The following SYNRG variants were observed in gnomAD, a reference collection of about 807,000 sequenced individuals.
The protein encoded by SYNRG is AP1 gamma subunit binding protein 1.
Under a neutral mutation model 130.9 loss-of-function variants are expected in SYNRG, and 37 were observed. The ratio of observed to expected loss-of-function variants is 0.28; its 90% CI spans 0.22 to 0.37. The LOEUF (loss-of-function observed/expected upper bound fraction) is 0.37. Ranked by LOEUF, SYNRG falls within the 10% of genes least tolerant of loss-of-function variation. The pLI is 1.00. For synonymous variants in SYNRG, 539 were observed against 568.1 expected, an observed-to-expected ratio of 0.95 and a Z score of 0.73; for missense variants, 1,338 against 1,588.9, an observed-to-expected ratio of 0.84 and a Z score of 2.68.
At position 37,516,825 on chromosome 17, in the gene SYNRG, T is replaced by C. The variant is rs1462188829; in HGVS notation, c.*2115A>G. Reference sequence around the variant, plus strand: ...CTCCACCTACCCGGCTAATTATTTTTTGTATAATTAGCTGGGGTCTTTACC... The same window carrying C: ...CTCCACCTACCCGGCTAATTATTTTCTGTATAATTAGCTGGGGTCTTTACC... On this transcript the variant is annotated 3_prime_UTR_variant, in exon 22 of 22. Coordinates refer to ENST00000612223, the MANE Select transcript of SYNRG (RefSeq NM_007247.6). The C allele has an allele frequency of 1.3e-5, 2 of 151,698 alleles. No individual in the cohort carries two copies. Among genetic ancestry groups the C allele is most frequent in the Non-Finnish European group, 2.9e-5 (2 of 68,034 alleles). The allele number at this position is 151,698 out of a possible 1,614,324, so 9.4% of individuals were successfully genotyped here.
intron 11 of SYNRG, among the ~76,000 whole-genome samples, chr17:37,562,261 C>A (rs1005258192): frequency 6.6e-6 from 1 of 152,224 alleles, no homozygotes; most frequent in African/African-American, 2.4e-5. Context: ...ACAACAATCA[C>A]TTCAAAATTA....
chr17:37,584,381 CAT>C (rs1334400728), intron 6 of SYNRG: 8 of 327,322 alleles, frequency 2.4e-5, no homozygotes, highest in African/African-American at 1.7e-4. Flanking sequence ...CTAATGTTAA[CAT>C]ATTTATATAC....
In SYNRG at chr17:37,525,766, G is replaced by A. The variant is rs182947510; in HGVS notation, c.3667-5118C>T. ...GCGGATCACGAGGTCAGGCTTTGGAGACCAGCCTGGCCAACATGGTGAAAC... is the reference window on the plus strand; with the variant it reads ...GCGGATCACGAGGTCAGGCTTTGGAAACCAGCCTGGCCAACATGGTGAAAC... On this transcript the variant is annotated intron_variant, in intron 19 of 21. Coordinates refer to ENST00000612223, the MANE Select transcript of SYNRG (RefSeq NM_007247.6). 9.3e-4 allele frequency among the ~76,000 whole-genome samples: 141 copies of A among 152,356 alleles called. 2 individuals are homozygous for A. In the East Asian group the frequency reaches 0.026, roughly 28 times the overall value.
intron 14 of SYNRG, among the ~76,000 whole-genome samples, chr17:37,550,374 T>C (rs539134135): frequency 6.6e-6 from 1 of 152,286 alleles, no homozygotes; most frequent in East Asian, 1.9e-4. Context: ...GAGACAAGTG[T>C]TTGACGAAAC....
intron 20 of SYNRG, 124 bp from the exon 21 acceptor site, chr17:37,520,338 C>G: frequency 3.0e-6 from 4 of 1,321,146 alleles, no homozygotes; most frequent in Non-Finnish European, 4.3e-6. Flanking sequence ...GTGCTGCAGG[C>G]ATGAGAGCCG....
Position 37,516,780 on chromosome 17 carries a change from C to G in SYNRG, c.*2160G>C, listed in dbSNP as rs1201451567. 6.6e-6 allele frequency: 1 copy of G among 151,924 alleles called. No homozygotes were observed. The highest frequency in any genetic ancestry group is 1.5e-5 in the Non-Finnish European group (1 of 68,014). 9.4% of individuals were successfully genotyped at this position (151,924 alleles called of 1,614,324 possible). ...CCTCAGCTTACCTAGTAGCTGGGACCACGAATGTCCACAGATGCACTCCAC... is the reference window on the plus strand; with the variant it reads ...CCTCAGCTTACCTAGTAGCTGGGACGACGAATGTCCACAGATGCACTCCAC... On this transcript the variant is annotated 3_prime_UTR_variant, in exon 22 of 22. Transcript: ENST00000612223.
chr17:37,577,116 G>A lies in SYNRG; in HGVS notation c.823+264C>T, dbSNP rs947279472. Among the ~76,000 whole-genome samples, 3 of 152,096 alleles carry A rather than the reference G, an allele frequency of 2.0e-5. No individual in the cohort carries two copies. In the East Asian group the frequency reaches 5.8e-4, roughly 29 times the overall value. On this transcript the variant is annotated intron_variant, in intron 7 of 21. Transcript: ENST00000612223. ...AAAGAGAGTTTTTATAAAATAAAAGGAAAGAAAATTTTAAATCAGAAATGA... is the reference window on the plus strand; with the variant it reads ...AAAGAGAGTTTTTATAAAATAAAAGAAAAGAAAATTTTAAATCAGAAATGA...
chr17:37,596,251 T>C lies in SYNRG; in HGVS notation c.212A>G (p.Gln71Arg), dbSNP rs748950994. ...CATAGCAATAGGTCCTTGGGACATCTGAGAGCTGTAATTCATTCCCATAAT... is the reference window on the plus strand; with the variant it reads ...CATAGCAATAGGTCCTTGGGACATCCGAGAGCTGTAATTCATTCCCATAAT... ...QGIMGMNYSS[Q>R]MSQGPIAMQA... The change falls in exon 3 of 22, where the codon CAG (glutamine) becomes CGG (arginine). Residue 71 changes from glutamine to arginine, a missense_variant. By Grantham distance (43) the Gln-to-Arg change is conservative. Coordinates refer to ENST00000612223, the MANE Select transcript of SYNRG (RefSeq NM_007247.6). 2.5e-6 allele frequency: 4 copies of C among 1,614,144 alleles called. No individual in the cohort carries two copies. The highest frequency in any genetic ancestry group is 3.4e-6 in the Non-Finnish European group (4 of 1,179,980).
intron 1 of SYNRG, among the ~76,000 whole-genome samples, chr17:37,602,210 C>T (rs1413742768): frequency 1.3e-5 from 2 of 151,890 alleles, no homozygotes; most frequent in Admixed American, 6.6e-5. Flanking sequence ...TGGTGCATGC[C>T]TGCAATTCCA....
chr17:37,577,323 A>G, intron 7 of SYNRG, 57 bp downstream of exon 7: 1 of 1,484,782 alleles, frequency 6.7e-7, no homozygotes, highest in Non-Finnish European at 9.4e-7. Flanking sequence ...TTAAGGTGTT[A>G]GCATTTGAGC....
chr17:37,595,315 T>C (rs2062661121), intron 3 of SYNRG, among the ~76,000 whole-genome samples: 1 of 152,252 alleles, frequency 6.6e-6, no homozygotes, highest in Admixed American at 6.5e-5. Context: ...CATGTGTTAC[T>C]GTATAAAAGT....
intron 17 of SYNRG, 93 bp from the exon 18 acceptor site, chr17:37,538,513 G>A (rs1450800166): frequency 3.7e-6 from 3 of 808,230 alleles, no homozygotes; most frequent in East Asian, 5.4e-5. Flanking sequence ...GAAAAGCCAG[G>A]AGGTGTCAAA....
At chr17:37,581,577 CTTG>C (rs1420706172) in intron 6 of SYNRG, among the ~76,000 whole-genome samples, 1 of 151,722 alleles carries the variant, frequency 6.6e-6, no homozygotes, top group Non-Finnish European at 1.5e-5. Flanking sequence ...CACGCCTTAC[CTTG>C]TTTTGTTTTT....
intron 13 of SYNRG, chr17:37,557,001 A>T (rs1462107108): frequency 6.6e-6 from 1 of 152,246 alleles, no homozygotes; most frequent in Non-Finnish European, 1.5e-5. Context: ...TGAAAGGGCT[A>T]AAAGGAAATA....
Position 37,601,868 on chromosome 17 carries a change from A to G in SYNRG, c.78-1465T>C, listed in dbSNP as rs1381465444. 3.3e-5 allele frequency among the ~76,000 whole-genome samples: 5 copies of G among 151,476 alleles called. No homozygotes were observed. In the South Asian group the frequency reaches 8.3e-4, roughly 25 times the overall value. On this transcript the variant is annotated intron_variant, in intron 1 of 21. Transcript: ENST00000612223. The stretch of plus-strand genomic sequence containing the variant: ...TCAGTAGAGACAGGGTTTCACCATG[A>G]TGGCCAGGCTGGTCTTGAACTCCTG...
At chr17:37,579,992 G>A (rs1219023470) in intron 6 of SYNRG, among the ~76,000 whole-genome samples, 1 of 151,632 alleles carries the variant, frequency 6.6e-6, no homozygotes, top group Non-Finnish European at 1.5e-5. Flanking sequence ...TTTTTCCCCT[G>A]AGACCATTAA....
chr17:37,592,032 A>G (rs2146710388), intron 3 of SYNRG, among the ~76,000 whole-genome samples: 1 of 152,328 alleles, frequency 6.6e-6, no homozygotes, highest in Middle Eastern at 3.4e-3. Context: ...ACAAGAAGAA[A>G]ATACTTGTAA....
intron 7 of SYNRG, 70 bp from the exon 8 acceptor site, chr17:37,576,488 G>GT: frequency 2.7e-6 from 4 of 1,465,986 alleles, no homozygotes; most frequent in Non-Finnish European, 3.7e-6. Context: ...CTGAGTCATG[G>GT]TTTTTTACAA....
In SYNRG at chr17:37,548,825, TA is replaced by T. The variant is rs549765253; in HGVS notation, c.2608+4289del. Among the ~76,000 whole-genome samples, 872 of 100,940 alleles carry T rather than the reference TA, an allele frequency of 8.6e-3. 4 individuals carry two copies. The highest frequency in any genetic ancestry group is 0.019 in the African/African-American group (492 of 26,204). 66.2% of individuals were successfully genotyped at this position (100,940 alleles called of 152,430 possible). Reference sequence around the variant, plus strand: ...GGGTGACAAGAGGGAAACTCTGTCTTAAAAAAAAAAAAAAAAAACACACAAA... The same window carrying T: ...GGGTGACAAGAGGGAAACTCTGTCTTAAAAAAAAAAAAAAAAACACACAAA... On this transcript the variant is annotated intron_variant, in intron 14 of 21. Coordinates refer to ENST00000612223, the MANE Select transcript of SYNRG (RefSeq NM_007247.6).
Sources: allele counts gnomAD v4.1 joint callset (sites outside exome capture counted in the v4.1 genomes callset), GRCh38; gene constraint gnomAD v4.1.1; transcripts MANE v1.5; gene names NCBI Gene and HGNC (gene_info 2026-07-23, HGNC 2026-07-21).